The following DYNC2H1 variants were observed in gnomAD, a reference collection of about 807,000 sequenced individuals.
DYNC2H1 encodes dynein cytoplasmic 2 heavy chain 1, also known as cytoplasmic dynein 2 heavy chain 1.
In DYNC2H1, 410 loss-of-function variants were observed where a neutral mutation model predicts 570.0. The observed-to-expected ratio is 0.72, with a 90% CI of 0.66 to 0.78. DYNC2H1 has a LOEUF of 0.78. Among genes scored for constraint, DYNC2H1 ranks in the 30% least tolerant of loss-of-function variants. DYNC2H1 has a pLI of 0.00. For missense variants in DYNC2H1, 4,865 were observed against 5,046.4 expected (o/e 0.96, Z 1.09); for synonymous variants, 1,688 against 1,677.6 (o/e 1.01, Z -0.15).
intron 83 of DYNC2H1, among the ~76,000 whole-genome samples, chr11:103,374,682 A>C (rs901035123): frequency 5.3e-5 from 8 of 152,168 alleles, no homozygotes; most frequent in African/African-American, 1.9e-4. Context: ...CACTCTGGCT[A>C]TGCTTTAGTA....
rs1565630036 is a variant in DYNC2H1, at chr11:103,472,893, A to AG, written c.12765+4190dup. On this transcript the variant is annotated intron_variant, in intron 88 of 88. Transcript: ENST00000375735. The surrounding 1 kb of genome is among the most constrained non-coding windows in gnomAD (Gnocchi z 4.1). The stretch of plus-strand genomic sequence containing the variant: ...TATTATCTGACACCCAGTATCCCTG[A>AG]GGAGCTTCGTTTCAACAGAAACTTG... Among the ~76,000 whole-genome samples, 1 of 152,164 alleles carries AG rather than the reference A, an allele frequency of 6.6e-6. No individual in the cohort carries two copies.
intron 83 of DYNC2H1, among the ~76,000 whole-genome samples, chr11:103,359,555 A>G (rs1591628978): frequency 6.6e-6 from 1 of 152,060 alleles, no homozygotes; most frequent in South Asian, 2.1e-4. Flanking sequence ...GACTATACGA[A>G]TGACTTCAAA....
At chr11:103,278,188 C>T (rs966446167) in intron 70 of DYNC2H1, among the ~76,000 whole-genome samples, 1 of 152,060 alleles carries the variant, frequency 6.6e-6, no homozygotes, top group African/African-American at 2.4e-5. Context: ...AACTGAGTCA[C>T]CAATTGCTGA....
At chr11:103,425,973 G>C (rs899109590) in intron 84 of DYNC2H1, among the ~76,000 whole-genome samples, 9 of 152,024 alleles carry the variant, frequency 5.9e-5, no homozygotes, top group African/African-American at 2.2e-4. Context: ...CCAGCACTGT[G>C]ACATGTACGT....
chr11:103,227,290 CT>C (rs1863838851), intron 59 of DYNC2H1, among the ~76,000 whole-genome samples: 1 of 151,446 alleles, frequency 6.6e-6, no homozygotes, highest in Admixed American at 6.6e-5. Flanking sequence ...TATTTATACT[CT>C]TTCGTACTTT....
rs762578912 is a variant in DYNC2H1, at chr11:103,241,543, C to G, written c.9820-2150C>G. 1.3e-6 allele frequency: 2 copies of G among 1,589,166 alleles called. No homozygotes were observed. Among genetic ancestry groups the G allele is most frequent in the South Asian group, 2.2e-5 (2 of 89,246 alleles). On this transcript the variant is annotated intron_variant, in intron 63 of 88. Transcript: ENST00000375735. The surrounding 1 kb of genome is among the most constrained non-coding windows in gnomAD (Gnocchi z 5.1). ...CTGCATCAGATCATTGGTTTGAAAT[C>G]ATGGGTAAGAACTTTTTAAAAATTT...
chr11:103,416,304 ATAAT>A (rs1162266193), intron 84 of DYNC2H1, among the ~76,000 whole-genome samples: 25 of 152,106 alleles, frequency 1.6e-4, no homozygotes, highest in African/African-American at 2.4e-4. Context: ...TATAATAATA[ATAAT>A]TAATAATAAA....
chr11:103,366,242 T>C (rs1185433647), intron 83 of DYNC2H1, among the ~76,000 whole-genome samples: 1 of 152,230 alleles, frequency 6.6e-6, no homozygotes, highest in Non-Finnish European at 1.5e-5. Flanking sequence ...GTCAGGCATT[T>C]ACAATGGCAA....
At chr11:103,168,702 T>C (rs973413675) in intron 31 of DYNC2H1, 53 bp from the exon 32 acceptor site, 21 of 1,553,810 alleles carry the variant, frequency 1.4e-5, no homozygotes, top group Non-Finnish European at 1.9e-5. Flanking sequence ...ATAAATTATA[T>C]AAATCACAGG....
At chr11:103,354,031 C>G (rs1940190187) in intron 82 of DYNC2H1, among the ~76,000 whole-genome samples, 1 of 151,514 alleles carries the variant, frequency 6.6e-6, no homozygotes, top group Non-Finnish European at 1.5e-5. Context: ...ACAAAAATTA[C>G]CTGGGCATGG....
chr11:103,376,186 T>C (rs1941383216), intron 83 of DYNC2H1, among the ~76,000 whole-genome samples: 4 of 152,236 alleles, frequency 2.6e-5, no homozygotes, highest in Admixed American at 2.0e-4. Flanking sequence ...GTAAATTTCC[T>C]GAGGCCTCCC....
At chr11:103,267,636 A>G (rs1865562282) in intron 70 of DYNC2H1, among the ~76,000 whole-genome samples, 1 of 152,062 alleles carries the variant, frequency 6.6e-6, no homozygotes, top group South Asian at 2.1e-4. Context: ...TTCATTATAC[A>G]AACAAAACTT....
chr11:103,389,629 C>T (rs1011890205), intron 83 of DYNC2H1, among the ~76,000 whole-genome samples: 22 of 151,824 alleles, frequency 1.4e-4, no homozygotes, highest in African/African-American at 5.1e-4. Flanking sequence ...CTCTTGTGGG[C>T]ATTTAGTGCT....
chr11:103,354,762 A>G (rs1940251772), intron 82 of DYNC2H1, among the ~76,000 whole-genome samples: 2 of 151,548 alleles, frequency 1.3e-5, no homozygotes, highest in South Asian at 4.2e-4. Flanking sequence ...GCAGTTGGGA[A>G]GTGTTTGTTT....
At position 103,186,751 on chromosome 11, in the gene DYNC2H1, A is replaced by G. The variant is rs1213507687; in HGVS notation, c.6893+250A>G. Among the ~76,000 whole-genome samples, 2 of 137,656 alleles carry G rather than the reference A, an allele frequency of 1.5e-5. No homozygotes were observed. Among genetic ancestry groups the G allele is most frequent in the African/African-American group, 5.6e-5 (2 of 35,822 alleles). 90.3% of individuals were successfully genotyped at this position (137,656 alleles called of 152,430 possible). ...ATACTCTTAAAAATTATCCGTCCAT[A>G]TAATACAGCAAAAAAAAAAAAAAGA... On this transcript the variant is annotated intron_variant, in intron 42 of 88. Transcript: ENST00000375735. The surrounding 1 kb of genome is among the most constrained non-coding windows in gnomAD (Gnocchi z 4.5).
rs563283234 is a variant in DYNC2H1, at chr11:103,203,650, T to C, written c.8198-13T>C. ...ATTAAAATGTTTTCAATTAGTCTAATATTTTTCTGTAGGTGAAGTTCCTGG... is the reference window on the plus strand; with the variant it reads ...ATTAAAATGTTTTCAATTAGTCTAACATTTTTCTGTAGGTGAAGTTCCTGG... On this transcript the variant is annotated splice_polypyrimidine_tract_variant and intron_variant, in intron 50 of 88. Coordinates refer to ENST00000375735, the MANE Select transcript of DYNC2H1 (RefSeq NM_001377.3). The surrounding 1 kb of genome is among the most constrained non-coding windows in gnomAD (Gnocchi z 4.7). 13 of 1,523,532 alleles carry C rather than the reference T, an allele frequency of 8.5e-6. No individual in the cohort carries two copies. In the South Asian group the frequency reaches 9.7e-5, roughly 11 times the overall value. 94.4% of individuals were successfully genotyped at this position (1,523,532 alleles called of 1,614,324 possible).
intron 87 of DYNC2H1, among the ~76,000 whole-genome samples, 153 bp downstream of exon 87, chr11:103,456,509 G>C (rs952226761): frequency 6.6e-6 from 1 of 152,060 alleles, no homozygotes; most frequent in African/African-American, 2.4e-5. Flanking sequence ...AATAAGATTT[G>C]GCATGAAACA....
chr11:103,274,155 C>T lies in DYNC2H1; in HGVS notation c.10696-6193C>T, dbSNP rs191580993. Among the ~76,000 whole-genome samples, 1,308 of 150,516 alleles carry T rather than the reference C, an allele frequency of 8.7e-3. 14 individuals are homozygous for T. Among genetic ancestry groups the T allele is most frequent in the African/African-American group, 0.03 (1,241 of 40,910 alleles). On this transcript the variant is annotated intron_variant, in intron 70 of 88. Transcript: ENST00000375735. ...GTGTGTATATATATATATACACACA[C>T]ATATATATATATCTGTGTGTGTCAC...
At chr11:103,447,635 A>C (rs1430269114) in intron 85 of DYNC2H1, among the ~76,000 whole-genome samples, 1 of 152,178 alleles carries the variant, frequency 6.6e-6, no homozygotes, top group African/African-American at 2.4e-5. Context: ...CAGAATCTGC[A>C]TCCATCACTA....
Sources: gnomAD v4.1 joint callset for allele counts (sites outside exome capture counted in the v4.1 genomes callset) on GRCh38, gnomAD v4.1.1 for gene constraint, Gnocchi (gnomAD v3.1) non-coding constraint, MANE v1.5 for transcripts, NCBI Gene and HGNC (gene_info 2026-07-23, HGNC 2026-07-21) for gene names.